The following NRG1 variants were observed in gnomAD, a reference collection of about 807,000 sequenced individuals.
NRG1 encodes the protein pro-neuregulin-1, membrane-bound isoform.
Under a neutral mutation model 63.8 loss-of-function variants are expected in NRG1, and 18 were observed. The ratio of observed to expected loss-of-function variants is 0.28; its 90% confidence interval spans 0.19 to 0.42. The LOEUF (loss-of-function observed/expected upper bound fraction) is 0.42, where lower values mean the gene tolerates loss of function less well. Ranked by LOEUF, NRG1 falls within the 10% of genes least tolerant of loss-of-function variation. NRG1 has a pLI of 1.00. For synonymous variants in NRG1, 302 were observed against 301.3 expected (o/e 1.00, Z -0.02); for missense variants, 762 against 814.7 (o/e 0.94, Z 0.79).
chr8:32,090,159 T>C (rs4733108), intron 1 of NRG1, among the ~76,000 whole-genome samples: 94,024 of 152,110 alleles, frequency 0.62, 30,792 homozygotes, highest in Admixed American at 0.77. Context: ...TGTTTCCTCA[T>C]CTGTGAAATG....
intron 1 of NRG1, among the ~76,000 whole-genome samples, chr8:32,160,254 G>C (rs4733302): frequency 0.056 from 8,503 of 152,232 alleles, 395 homozygotes; most frequent in East Asian, 0.26. Flanking sequence ...AAAATACAAA[G>C]AGCATATTTG....
At position 31,984,185 on chromosome 8, in the gene NRG1, G is replaced by A. The variant is rs145507135; in HGVS notation, c.37+344754G>A. Among the ~76,000 whole-genome samples, 31 of 152,120 alleles carry A rather than the reference G, an allele frequency of 2.0e-4. No homozygotes were observed. The East Asian group carries it at 5.6e-3, about 28-fold the overall frequency. On this transcript the variant is annotated intron_variant, in intron 1 of 10. Transcript: ENST00000519301. The stretch of plus-strand genomic sequence containing the variant: ...AAAATTTTTACTTATGAAAAATGTG[G>A]TAAAATATAGAATAGGAAATTCTGA...
intron 1 of NRG1, among the ~76,000 whole-genome samples, chr8:32,349,760 CCTAA>C (rs1471444705): frequency 2.0e-5 from 3 of 152,104 alleles, no homozygotes; most frequent in Admixed American, 1.3e-4. Context: ...TTTCTGATTC[CCTAA>C]CTGACTCTAT....
intron 1 of NRG1, among the ~76,000 whole-genome samples, chr8:31,918,018 T>G (rs1439604654): frequency 6.6e-6 from 1 of 152,154 alleles, no homozygotes; most frequent in Non-Finnish European, 1.5e-5. Flanking sequence ...GTTATTGGTG[T>G]ATAAGAATGC....
intron 1 of NRG1, among the ~76,000 whole-genome samples, chr8:31,966,290 G>T (rs575637703): frequency 3.0e-4 from 45 of 152,308 alleles, no homozygotes; most frequent in African/African-American, 8.9e-4. Context: ...AAACCACAAA[G>T]ATTCTGAGGG....
intron 2 of NRG1, 101 bp from the exon 3 acceptor site, chr8:32,605,461 G>T: frequency 1.5e-6 from 2 of 1,332,258 alleles, no homozygotes; most frequent in Non-Finnish European, 2.1e-6. Flanking sequence ...ATAAGGTGGG[G>T]AGAGGCAGTT....
In NRG1 at chr8:32,387,946, G is replaced by A. The variant is rs117288665; in HGVS notation, c.38-207882G>A. ...TCAATTGAGCTGGGATTAGGAAGCC[G>A]CCTGTCTCCTCAAGCTTGTTACGAT... On this transcript the variant is annotated intron_variant, in intron 1 of 10. Coordinates refer to the NRG1 transcript ENST00000519301. Among the ~76,000 whole-genome samples the A allele has an allele frequency of 2.2e-4, 34 of 152,290 alleles. No homozygotes were observed. The East Asian group carries it at 4.4e-3, about 20-fold the overall frequency.
chr8:32,166,298 A>G (rs764828322), intron 1 of NRG1, among the ~76,000 whole-genome samples: 4 of 152,154 alleles, frequency 2.6e-5, no homozygotes, highest in Non-Finnish European at 5.9e-5. Context: ...TGCTCAGCTC[A>G]CAACTGGAAA....
At chr8:31,803,821 C>A (rs1438774030) in intron 1 of NRG1, among the ~76,000 whole-genome samples, 1 of 152,124 alleles carries the variant, frequency 6.6e-6, no homozygotes, top group African/African-American at 2.4e-5. Context: ...TACCTCTGAC[C>A]CTTGTGTGCT....
At chr8:32,728,117 C>G in intron 6 of NRG1, 39 bp downstream of exon 6, 5 of 1,609,424 alleles carry the variant, frequency 3.1e-6, no homozygotes, top group Non-Finnish European at 4.2e-6. Context: ...ATGTCTATAA[C>G]TCCTTGTTTC....
At chr8:31,778,931 G>GT (rs1563391744) in intron 1 of NRG1, among the ~76,000 whole-genome samples, 1 of 152,218 alleles carries the variant, frequency 6.6e-6, no homozygotes, top group Non-Finnish European at 1.5e-5. Context: ...GAAGACACAT[G>GT]TAACAGAAGT....
intron 1 of NRG1, among the ~76,000 whole-genome samples, chr8:31,978,420 T>C (rs1464176070): frequency 1.3e-5 from 2 of 152,128 alleles, no homozygotes; most frequent in Non-Finnish European, 2.9e-5. Flanking sequence ...ACAATGCAGA[T>C]TCACAGTGTA....
chr8:31,695,427 C>T (rs1045215010), intron 1 of NRG1, among the ~76,000 whole-genome samples: 17 of 152,188 alleles, frequency 1.1e-4, no homozygotes, highest in Admixed American at 7.2e-4. Context: ...GCAGTGGCCT[C>T]CCAAAGTGCT....
chr8:31,842,189 C>T (rs1826259862), intron 1 of NRG1, among the ~76,000 whole-genome samples: 1 of 152,196 alleles, frequency 6.6e-6, no homozygotes, highest in Non-Finnish European at 1.5e-5. Flanking sequence ...GACAATTGCT[C>T]TTAGCAGTTT....
chr8:32,198,251 C>T (rs1421382667), intron 1 of NRG1, among the ~76,000 whole-genome samples: 1 of 152,130 alleles, frequency 6.6e-6, no homozygotes, highest in Non-Finnish European at 1.5e-5. Context: ...GATCTTGGCT[C>T]ACTGCAACCT....
intron 1 of NRG1, among the ~76,000 whole-genome samples, chr8:32,358,658 T>C (rs376619382): frequency 1.3e-5 from 2 of 152,128 alleles, no homozygotes; most frequent in African/African-American, 2.4e-5. Context: ...TGCAGAGACT[T>C]ATAGATCATC....
intron 1 of NRG1, among the ~76,000 whole-genome samples, chr8:32,368,199 C>A (rs1808339949): frequency 6.6e-6 from 1 of 152,140 alleles, no homozygotes; most frequent in Non-Finnish European, 1.5e-5. Context: ...TATTAGCTTA[C>A]TATAGTTTTA....
intron 1 of NRG1, among the ~76,000 whole-genome samples, chr8:32,535,770 G>T (rs1831902895): frequency 1.3e-5 from 2 of 152,180 alleles, no homozygotes; most frequent in African/African-American, 4.8e-5. Context: ...CCCCTAGGAT[G>T]TAAAATACCA....
chr8:31,974,870 G>A (rs1586191086), intron 1 of NRG1, among the ~76,000 whole-genome samples: 1 of 152,144 alleles, frequency 6.6e-6, no homozygotes, highest in African/African-American at 2.4e-5. Flanking sequence ...TTCACTGAAA[G>A]ACATGCACCA....
Sources: gnomAD v4.1 joint callset for allele counts (sites outside exome capture counted in the v4.1 genomes callset) on GRCh38, gnomAD v4.1.1 for gene constraint, MANE v1.5 for transcripts, NCBI Gene and HGNC (gene_info 2026-07-23, HGNC 2026-07-21) for gene names.